Variants in KAZN observed in about 807,000 individuals in gnomAD.
KAZN encodes kazrin.
Under a neutral mutation model 87.4 loss-of-function variants are expected in KAZN, and 40 were observed. The ratio of observed to expected loss-of-function variants is 0.46; its 90% CI spans 0.36 to 0.60. The LOEUF is 0.60. Among genes scored for constraint, KAZN ranks in the 20% least tolerant of loss-of-function variants. The pLI is 0.00. For synonymous variants in KAZN, 466 were observed against 458.3 expected, an observed-to-expected ratio of 1.02 and a Z score of -0.22; for missense variants, 898 against 1,073.9, an observed-to-expected ratio of 0.84 and a Z score of 2.29.
At chr1:14,221,529 A>G (rs995418157) in intron 2 of KAZN, among the ~76,000 whole-genome samples, 2 of 152,192 alleles carry the variant, frequency 1.3e-5, no homozygotes, top group South Asian at 2.1e-4. Flanking sequence ...CTCCTTAAAA[A>G]GAGGAGCTTG....
intron 1 of KAZN, among the ~76,000 whole-genome samples, chr1:14,744,905 A>C (rs1312685748): frequency 6.6e-6 from 1 of 152,038 alleles, no homozygotes; most frequent in Non-Finnish European, 1.5e-5. Flanking sequence ...CCAAGTCACT[A>C]CCTGTCCCCA....
intron 1 of KAZN, among the ~76,000 whole-genome samples, chr1:14,759,486 C>A (rs1401113003): frequency 2.0e-5 from 3 of 152,142 alleles, no homozygotes; most frequent in Non-Finnish European, 4.4e-5. Flanking sequence ...ATTTTGATAA[C>A]CTTCCTTGAC....
At chr1:14,885,946 G>T (rs969250133) in intron 1 of KAZN, among the ~76,000 whole-genome samples, 1 of 152,166 alleles carries the variant, frequency 6.6e-6, no homozygotes, top group African/African-American at 2.4e-5. Flanking sequence ...TTTGTCATGG[G>T]TACTGTCCTG....
At chr1:14,352,733 A>G (rs1658654338) in intron 2 of KAZN, among the ~76,000 whole-genome samples, 1 of 150,688 alleles carries the variant, frequency 6.6e-6, no homozygotes, top group South Asian at 2.1e-4. Flanking sequence ...CATCAAATAG[A>G]CAGACAAATA....
chr1:15,070,853 G>GAATAAAT (rs1639474667), intron 8 of KAZN, among the ~76,000 whole-genome samples: 1 of 152,040 alleles, frequency 6.6e-6, no homozygotes, highest in African/African-American at 2.4e-5. Flanking sequence ...ATTTATAAAT[G>GAATAAAT]AATAAATAAA....
chr1:14,816,000 T>A (rs1646552590), intron 1 of KAZN, among the ~76,000 whole-genome samples: 1 of 152,050 alleles, frequency 6.6e-6, no homozygotes, highest in African/African-American at 2.4e-5. Context: ...CATTTCTCAT[T>A]CCAAGCCAGG....
At chr1:14,903,875 A>G (rs1253034920) in intron 1 of KAZN, among the ~76,000 whole-genome samples, 1 of 152,194 alleles carries the variant, frequency 6.6e-6, no homozygotes, top group Non-Finnish European at 1.5e-5. Context: ...CCTATAAGGG[A>G]GCAGCATGAT....
chr1:15,066,297 C>CA lies in KAZN; in HGVS notation c.1222+544_1222+545insA, dbSNP rs1398269093. 1 of 985,798 alleles carries CA rather than the reference C, an allele frequency of 1.0e-6. No individual in the cohort carries two copies. Among genetic ancestry groups the CA allele is most frequent in the East Asian group, 1.1e-4 (1 of 8,818 alleles). 61.1% of individuals were successfully genotyped at this position (985,798 alleles called of 1,614,324 possible). On this transcript the variant is annotated intron_variant, in intron 8 of 14. Transcript: ENST00000376030. The surrounding 1 kb of genome is among the most constrained non-coding windows in gnomAD (Gnocchi z 4.3). ...CGTCCAAACCGCTACTCCTGGAGCC[C>CA]GTCTGGCAGAGGATGTGGTCTGTTT...
In KAZN at chr1:14,762,861, C is replaced by CAAT. The variant is rs149085367; in HGVS notation, c.226+163655_226+163657dup. On this transcript the variant is annotated intron_variant, in intron 1 of 14. Transcript: ENST00000376030. ...GCACTTTGTTCAGTGCTGATGGCAA[C>CAAT]AATAATAATAATAATAATACCTACT... is the stretch of plus-strand genomic sequence containing the variant. Among the ~76,000 whole-genome samples the CAAT allele has an allele frequency of 1.9e-3, 287 of 151,870 alleles. 1 individual carries two copies. Among genetic ancestry groups the CAAT allele is most frequent in the African/African-American group, 6.8e-3 (280 of 41,410 alleles).
intron 1 of KAZN, among the ~76,000 whole-genome samples, chr1:14,102,322 G>T (rs1644274890): frequency 6.6e-6 from 1 of 152,156 alleles, no homozygotes; most frequent in South Asian, 2.1e-4. Flanking sequence ...GGAAAAAAAT[G>T]GGTGATCCTA....
rs772949355 is a variant in KAZN, at chr1:15,060,293, C to T, written c.1038C>T (p.Ser346=). 2 of 1,614,202 alleles carry T rather than the reference C, an allele frequency of 1.2e-6. No individual in the cohort carries two copies. Among genetic ancestry groups the T allele is most frequent in the Non-Finnish European group, 1.7e-6 (2 of 1,180,004 alleles). The change falls in exon 6 of 15, where the codon TCC becomes TCT. Residue 346 remains serine, a synonymous_variant. Transcript: ENST00000376030. ...ACTCCCCTCGACACCGGACACACTC[C>T]CTCTGCAACGTAAGGCCAGCAGCAG... ...DINSPRHRTH[S]LCNGDSPGPV...
chr1:13,998,394 T>G (rs10927984), intron 1 of KAZN, among the ~76,000 whole-genome samples: 22,100 of 152,120 alleles, frequency 0.15, 1,710 homozygotes, highest in Middle Eastern at 0.22. Flanking sequence ...TTAATGTAAA[T>G]GGGCTAAATG....
chr1:14,248,591 A>C (rs1465764336), intron 2 of KAZN, among the ~76,000 whole-genome samples: 1 of 152,224 alleles, frequency 6.6e-6, no homozygotes, highest in Non-Finnish European at 1.5e-5. Flanking sequence ...ATGAAGAGGG[A>C]CTAGTTAGGA....
chr1:14,225,376 A>T (rs942986263), intron 2 of KAZN, among the ~76,000 whole-genome samples: 4 of 152,208 alleles, frequency 2.6e-5, no homozygotes, highest in African/African-American at 9.6e-5. Flanking sequence ...AAAGGAGATC[A>T]GAGATGACAC....
At chr1:14,645,110 T>G (rs1680713121) in intron 1 of KAZN, among the ~76,000 whole-genome samples, 1 of 152,200 alleles carries the variant, frequency 6.6e-6, no homozygotes, top group Admixed American at 6.5e-5. Flanking sequence ...TGGGTGGTCT[T>G]GGGTGTGCAG....
At chr1:14,811,991 T>G (rs1646425066) in intron 1 of KAZN, among the ~76,000 whole-genome samples, 1 of 152,160 alleles carries the variant, frequency 6.6e-6, no homozygotes, top group East Asian at 1.9e-4. Flanking sequence ...CAGATGGTGA[T>G]CCCGATAACT....
chr1:14,215,869 T>C (rs1410933516), intron 2 of KAZN, among the ~76,000 whole-genome samples: 2 of 152,212 alleles, frequency 1.3e-5, no homozygotes, highest in Non-Finnish European at 2.9e-5. Flanking sequence ...GAGGCTAAGC[T>C]TCTCATTAAT....
At chr1:14,999,692 G>C (rs1224804400) in intron 2 of KAZN, among the ~76,000 whole-genome samples, 1 of 152,226 alleles carries the variant, frequency 6.6e-6, no homozygotes, top group African/African-American at 2.4e-5. Context: ...TTAGCAACTG[G>C]GTGGAATTTT....
chr1:14,280,097 TCACACCTGTAATCC>T (rs1652726839), intron 2 of KAZN, among the ~76,000 whole-genome samples: 1 of 152,004 alleles, frequency 6.6e-6, no homozygotes, highest in South Asian at 2.1e-4. Flanking sequence ...GCGCGGTGGC[TCACACCTGTAATCC>T]CAGCGCTTCG....
Sources: allele counts gnomAD v4.1 joint callset (sites outside exome capture counted in the v4.1 genomes callset), GRCh38; gene constraint gnomAD v4.1.1; non-coding constraint Gnocchi (gnomAD v3.1); transcripts MANE v1.5; gene names NCBI Gene and HGNC (gene_info 2026-07-23, HGNC 2026-07-21).